Variants in PDCD6IP observed in about 807,000 individuals in gnomAD.
PDCD6IP encodes programmed cell death 6-interacting protein.
In PDCD6IP, 43 loss-of-function variants were observed where a neutral mutation model predicts 103.7. That is an observed-to-expected ratio of 0.41 (90% CI 0.32 to 0.53). PDCD6IP has a LOEUF of 0.53. Among genes scored for constraint, PDCD6IP ranks in the 20% least tolerant of loss-of-function variants. The pLI is 0.16. For synonymous variants in PDCD6IP, 354 were observed against 378.7 expected (o/e 0.93, Z 0.76); for missense variants, 871 against 1,036.7 (o/e 0.84, Z 2.20).
intron 7 of PDCD6IP, among the ~76,000 whole-genome samples, chr3:33,833,731 G>A (rs1437876466): frequency 2.0e-5 from 3 of 152,042 alleles, no homozygotes; most frequent in African/African-American, 7.2e-5. Flanking sequence ...ATTATCTACT[G>A]GAAAGATATA....
At chr3:33,802,283 G>A (rs9827037) in intron 1 of PDCD6IP, among the ~76,000 whole-genome samples, 44,120 of 151,830 alleles carry the variant, frequency 0.29, 6,638 homozygotes, top group East Asian at 0.41. Context: ...ATATGTTACC[G>A]GCCATTTTGT....
rs1698121600 is a variant in PDCD6IP at position 33,868,733 on chromosome 3, T to C, written c.*2208T>C. 1 of 152,228 alleles carries C rather than the reference T, an allele frequency of 6.6e-6. No homozygotes were observed. Among genetic ancestry groups the C allele is most frequent in the South Asian group, 2.1e-4 (1 of 4,834 alleles). 9.4% of individuals were successfully genotyped at this position (152,228 alleles called of 1,614,324 possible). On this transcript the variant is annotated 3_prime_UTR_variant, in exon 18 of 18. Transcript: ENST00000307296. The stretch of plus-strand genomic sequence containing the variant: ...TACCCATATTTATAATTAGGCTTTA[T>C]TATCTTCCTAAATCAAGGAAAGGAA...
intron 7 of PDCD6IP, among the ~76,000 whole-genome samples, chr3:33,834,398 G>A (rs1697304396): frequency 6.6e-6 from 1 of 152,094 alleles, no homozygotes; most frequent in South Asian, 2.1e-4. Flanking sequence ...GCTATTTGGG[G>A]GAGGGTTCAA....
chr3:33,853,820 TTA>T (rs1424773373), intron 13 of PDCD6IP, 57 bp from the exon 14 acceptor site: 17 of 1,246,248 alleles, frequency 1.4e-5, no homozygotes, highest in Non-Finnish European at 1.8e-5. Flanking sequence ...AATAAAAATG[TTA>T]TGAGCTATAT....
At chr3:33,845,124 CTTCA>C (rs1306217966) in intron 11 of PDCD6IP, among the ~76,000 whole-genome samples, 1 of 151,222 alleles carries the variant, frequency 6.6e-6, no homozygotes, top group East Asian at 1.9e-4. Flanking sequence ...ATGATTTCTT[CTTCA>C]TTCATGAGTT....
intron 1 of PDCD6IP, among the ~76,000 whole-genome samples, chr3:33,803,136 G>A (rs1224353685): frequency 6.6e-6 from 1 of 151,910 alleles, no homozygotes; most frequent in African/African-American, 2.4e-5. Context: ...TTAAATTCTT[G>A]TTTTAGTGGG....
Position 33,822,221 on chromosome 3 carries a change from T to A in PDCD6IP, c.462+139T>A, listed in dbSNP as rs1045430170. 3.8e-5 allele frequency: 33 copies of A among 867,568 alleles called. 1 individual carries two copies. Among genetic ancestry groups the A allele is most frequent in the Admixed American group, 1.2e-4 (5 of 40,584 alleles). 53.7% of individuals were successfully genotyped at this position (867,568 alleles called of 1,614,324 possible). On this transcript the variant is annotated intron_variant, in intron 4 of 17. Coordinates refer to ENST00000307296, the MANE Select transcript of PDCD6IP (RefSeq NM_013374.6). ...GAATGCACTTTTAAAATGAATTTAT[T>A]CTTACTGTTAAAGCCCTTAGATAAA...
chr3:33,857,269 C>G (rs1475131532), intron 15 of PDCD6IP, among the ~76,000 whole-genome samples: 2 of 152,166 alleles, frequency 1.3e-5, no homozygotes, highest in Middle Eastern at 3.4e-3. Context: ...CAACCTCTGC[C>G]TCCCGGGTTC....
chr3:33,844,996 C>G (rs376402944), intron 11 of PDCD6IP, among the ~76,000 whole-genome samples: 1 of 150,190 alleles, frequency 6.7e-6, no homozygotes, highest in African/African-American at 2.4e-5. Context: ...TTTTATTTAT[C>G]TTTGTAAAAA....
intron 3 of PDCD6IP, among the ~76,000 whole-genome samples, chr3:33,814,387 G>A (rs1264881800): frequency 2.6e-5 from 4 of 151,600 alleles, no homozygotes; most frequent in Non-Finnish European, 4.4e-5. Flanking sequence ...CACCCATCTC[G>A]GCCTCCCAAA....
chr3:33,800,572 A>G (rs1238557688), intron 1 of PDCD6IP, among the ~76,000 whole-genome samples: 2 of 152,224 alleles, frequency 1.3e-5, no homozygotes, highest in African/African-American at 2.4e-5. Flanking sequence ...TTTTAGAGCT[A>G]CAACTGTTGG....
chr3:33,852,771 A>G (rs1697747184), intron 13 of PDCD6IP, 35 bp downstream of exon 13: 1 of 1,545,226 alleles, frequency 6.5e-7, no homozygotes. Flanking sequence ...TCTGTGTTTT[A>G]AAAATTACAG....
At chr3:33,799,288 C>T (rs1696414101) in intron 1 of PDCD6IP, 3 of 235,342 alleles carry the variant, frequency 1.3e-5, no homozygotes, top group Non-Finnish European at 2.4e-5. Flanking sequence ...CTTCCCCTTT[C>T]GCCCCATTTT....
intron 3 of PDCD6IP, among the ~76,000 whole-genome samples, chr3:33,819,215 T>G (rs1220267046): frequency 6.6e-6 from 1 of 151,920 alleles, no homozygotes; most frequent in Non-Finnish European, 1.5e-5. Flanking sequence ...TGAAAAAAAA[T>G]TTTTTTTCCT....
chr3:33,831,252 C>G (rs1489041991), intron 7 of PDCD6IP, among the ~76,000 whole-genome samples: 2 of 149,998 alleles, frequency 1.3e-5, no homozygotes, highest in Non-Finnish European at 2.9e-5. Context: ...CACACACACA[C>G]AGATATAAAA....
intron 6 of PDCD6IP, 137 bp downstream of exon 6, chr3:33,826,717 A>AT: frequency 1.3e-5 from 15 of 1,189,622 alleles, no homozygotes; most frequent in East Asian, 2.9e-5. Flanking sequence ...TAGTAGAAAT[A>AT]GTTTTTTTTT....
chr3:33,842,136 G>C, intron 10 of PDCD6IP, 62 bp downstream of exon 10: 1 of 995,862 alleles, frequency 1.0e-6, no homozygotes. Context: ...GTCCAGCAGG[G>C]ATTGGGACTG....
Position 33,813,584 on chromosome 3 carries a change from A to T in PDCD6IP, c.290A>T (p.Asp97Val). 2 of 1,609,272 alleles carry T rather than the reference A, an allele frequency of 1.2e-6. No individual in the cohort carries two copies. The highest frequency in any genetic ancestry group is 1.7e-6 in the Non-Finnish European group (2 of 1,176,094). The change falls in exon 3 of 18, where the codon GAT becomes GTT. Residue 97 changes from aspartate (D) to valine (V), a missense_variant. By Grantham distance (152) the Asp-to-Val change is radical. Around this residue, in one of 5 missense-constraint regions of PDCD6IP, gnomAD observed 47 missense variants for 83.7 expected, o/e 0.56. Transcript: ENST00000307296. ...NQICLTFTWK[D>V]AFDKGSLFGG... Reference sequence around the variant, plus strand: ...ATCTGCTTGACATTTACCTGGAAGGATGCTTTCGATAAAGGTTCACTTTTT... The same window carrying T: ...ATCTGCTTGACATTTACCTGGAAGGTTGCTTTCGATAAAGGTTCACTTTTT...
chr3:33,854,856 G>T (rs1336541572), intron 14 of PDCD6IP: 1 of 176,574 alleles, frequency 5.7e-6, no homozygotes, highest in African/African-American at 2.4e-5. Flanking sequence ...ACTTAAATAG[G>T]TTTAATGTTA....
Sources: allele counts gnomAD v4.1 joint callset (sites outside exome capture counted in the v4.1 genomes callset), GRCh38; gene constraint gnomAD v4.1.1; regional missense constraint gnomAD v4.1.1; transcripts MANE v1.5; gene names NCBI Gene and HGNC (gene_info 2026-07-23, HGNC 2026-07-21).